The following SAMD3 variants were observed in gnomAD, a reference collection of about 807,000 sequenced individuals.
SAMD3 encodes the protein sterile alpha motif domain-containing protein 3.
In SAMD3, 63 loss-of-function variants were observed where a neutral mutation model predicts 58.5. That is an observed-to-expected ratio of 1.08 (90% CI 0.88 to 1.33). The LOEUF is 1.33. Ranked by LOEUF, SAMD3 falls within the 40% of genes most tolerant of loss-of-function variation. The probability of loss-of-function intolerance (pLI) is 0.00; values close to 1 mark genes in which losing one functional copy is unlikely to be tolerated. For synonymous variants in SAMD3, 220 were observed against 210.3 expected (o/e 1.05, Z -0.40); for missense variants, 604 against 608.4 (o/e 0.99, Z 0.08).
At chr6:130,227,281 T>C (rs149049121), upstream of SAMD3, among the ~76,000 whole-genome samples, 8 of 152,344 alleles carry the variant, frequency 5.3e-5, no homozygotes, top group East Asian at 9.6e-4. Context: ...GGTTCATTCA[T>C]GTAGCTTGTG....
At chr6:130,229,803 TG>T (rs1416667998) in intron 2 of SAMD3, among the ~76,000 whole-genome samples, 1 of 152,126 alleles carries the variant, frequency 6.6e-6, no homozygotes, top group Non-Finnish European at 1.5e-5. Flanking sequence ...CATCAATTCA[TG>T]ATGAGTAAAT....
At chr6:130,294,100 T>C (rs1775475638) in intron 2 of SAMD3, among the ~76,000 whole-genome samples, 1 of 152,188 alleles carries the variant, frequency 6.6e-6, no homozygotes. Context: ...GACTGAGAGA[T>C]ACAGATTTGA....
At chr6:130,347,503 G>A (rs185727241) in intron 1 of SAMD3, among the ~76,000 whole-genome samples, 8 of 152,272 alleles carry the variant, frequency 5.3e-5, no homozygotes, top group East Asian at 3.9e-4. Context: ...TGAATGAAAC[G>A]AAGTGAGAAG....
intron 1 of SAMD3, among the ~76,000 whole-genome samples, chr6:130,315,211 C>A (rs1038973885): frequency 3.3e-5 from 5 of 152,062 alleles, no homozygotes; most frequent in African/African-American, 1.2e-4. Flanking sequence ...TTACAGCCAC[C>A]ATCTTATAGT....
At chr6:130,342,895 T>C (rs1025798750) in intron 1 of SAMD3, among the ~76,000 whole-genome samples, 4 of 152,212 alleles carry the variant, frequency 2.6e-5, no homozygotes, top group African/African-American at 7.2e-5. Context: ...TAGTAAGCAA[T>C]GTAGATGGTG....
Position 130,144,743 on chromosome 6 carries a change from A to T in SAMD3, c.1340T>A (p.Phe447Tyr). ...CCTCTCCCTTTCTAAATATAAAGAA[A>T]ATTCGCAGACCTCCATGTTGAAAGG... ...KNPFNMEVCE[F>Y]SLYLERERLT... is the part of the protein sequence containing the mutation. Residue 447 changes from phenylalanine (F) to tyrosine (Y), a missense_variant, in exon 12 of 12, where the codon TTT becomes TAT. Physicochemically the swap from Phe to Tyr is conservative, Grantham distance 22. Coordinates refer to ENST00000439090, the MANE Select transcript of SAMD3 (RefSeq NM_001017373.4). 1 of 1,614,080 alleles carries T rather than the reference A, an allele frequency of 6.2e-7. No individual in the cohort carries two copies. Among genetic ancestry groups the T allele is most frequent in the Non-Finnish European group, 8.5e-7 (1 of 1,179,966 alleles).
intron 5 of SAMD3, among the ~76,000 whole-genome samples, chr6:130,193,078 T>C (rs1306090876): frequency 2.6e-5 from 4 of 152,178 alleles, no homozygotes; most frequent in Non-Finnish European, 5.9e-5. Flanking sequence ...GTTTAATCAT[T>C]GCAGGGACGC....
intron 1 of SAMD3, among the ~76,000 whole-genome samples, chr6:130,331,487 C>G (rs1034332779): frequency 6.6e-6 from 1 of 152,070 alleles, no homozygotes. Flanking sequence ...CTTTGGGAGG[C>G]CGAGGAGGGC....
rs77922820 is a variant in SAMD3, at chr6:130,353,678, A to T, written c.-304+11442T>A. Among the ~76,000 whole-genome samples, 660 of 152,254 alleles carry T rather than the reference A, an allele frequency of 4.3e-3. 5 individuals are homozygous for T. The highest frequency in any genetic ancestry group is 0.015 in the African/African-American group (618 of 41,554). On this transcript the variant is annotated intron_variant, in intron 1 of 13. Coordinates refer to the SAMD3 transcript ENST00000368134. Reference sequence around the variant, plus strand: ...CTTCTACATCAGCCATCTCAAATACACTATTTTAGGGAGCAAAGGGACAAA... The same window carrying T: ...CTTCTACATCAGCCATCTCAAATACTCTATTTTAGGGAGCAAAGGGACAAA...
chr6:130,249,711 G>T (rs1773676658), intron 2 of SAMD3, among the ~76,000 whole-genome samples: 1 of 152,166 alleles, frequency 6.6e-6, no homozygotes, highest in Non-Finnish European at 1.5e-5. Context: ...TAAGCAATGA[G>T]CTATGGGACA....
chr6:130,354,328 A>G (rs1310388998), intron 1 of SAMD3, among the ~76,000 whole-genome samples: 1 of 152,196 alleles, frequency 6.6e-6, no homozygotes, highest in Admixed American at 6.5e-5. Context: ...TACTGAGTAT[A>G]TACCCAAAGT....
chr6:130,209,583 G>A lies in SAMD3; in HGVS notation c.295C>T (p.Pro99Ser), dbSNP rs759342186. The change falls in exon 5 of 12, where the codon CCA (proline) becomes TCA (serine). Residue 99 changes from proline to serine, a missense_variant. Pro to Ser is a moderately conservative substitution (Grantham distance 74). Coordinates refer to ENST00000439090, the MANE Select transcript of SAMD3 (RefSeq NM_001017373.4). Reference sequence around the variant, plus strand: ...GGCATCTGCTCCCCATGCCTGGCTGGACTGGAGGACTCTTCATCCCTGTAA... The same window carrying A: ...GGCATCTGCTCCCCATGCCTGGCTGAACTGGAGGACTCTTCATCCCTGTAA... ...RDYRDEESSS[P>S]ARHGEQMPSF... 6.2e-7 allele frequency: 1 copy of A among 1,613,060 alleles called. No homozygotes were observed. Among genetic ancestry groups the A allele is most frequent in the African/African-American group, 1.3e-5 (1 of 74,894 alleles).
At position 130,144,468 on chromosome 6, in the gene SAMD3, T is replaced by G; in HGVS notation, c.*52A>C. On this transcript the variant is annotated 3_prime_UTR_variant, in exon 12 of 12. Coordinates refer to ENST00000439090, the MANE Select transcript of SAMD3 (RefSeq NM_001017373.4). ...AACCCTAAATCAAAACAATTTCTTATGAAGCTTCAGTTTTCCCAGAGGTAA... is the reference window on the plus strand; with the variant it reads ...AACCCTAAATCAAAACAATTTCTTAGGAAGCTTCAGTTTTCCCAGAGGTAA... 4 of 1,554,566 alleles carry G rather than the reference T, an allele frequency of 2.6e-6. No homozygotes were observed. Among genetic ancestry groups the G allele is most frequent in the South Asian group, 1.2e-5 (1 of 81,730 alleles).
chr6:130,249,729 T>C (rs573392717), intron 2 of SAMD3, among the ~76,000 whole-genome samples: 2 of 152,084 alleles, frequency 1.3e-5, no homozygotes, highest in Non-Finnish European at 2.9e-5. Flanking sequence ...ACACAAAGAA[T>C]GGTAGGTTTG....
intron 5 of SAMD3, among the ~76,000 whole-genome samples, chr6:130,187,042 T>C (rs1293797526): frequency 1.3e-5 from 2 of 151,876 alleles, no homozygotes; most frequent in Admixed American, 6.6e-5. Flanking sequence ...AGCGCTGGGA[T>C]TACAGGTGTG....
At chr6:130,333,523 T>C (rs747123430) in intron 1 of SAMD3, among the ~76,000 whole-genome samples, 1 of 152,248 alleles carries the variant, frequency 6.6e-6, no homozygotes, top group Non-Finnish European at 1.5e-5. Flanking sequence ...TACTAGCAAT[T>C]ATATTGTTAA....
At chr6:130,311,199 G>A (rs1019103845) in intron 2 of SAMD3, among the ~76,000 whole-genome samples, 4 of 152,168 alleles carry the variant, frequency 2.6e-5, no homozygotes, top group African/African-American at 9.7e-5. Flanking sequence ...CTTTTCTATT[G>A]TGAATATAGA....
intron 2 of SAMD3, among the ~76,000 whole-genome samples, chr6:130,247,747 C>T (rs73605912): frequency 0.019 from 2,945 of 152,210 alleles, 93 homozygotes; most frequent in African/African-American, 0.067. Flanking sequence ...GAGTTTTTTA[C>T]AGACATATTT....
intron 2 of SAMD3, among the ~76,000 whole-genome samples, chr6:130,256,941 TTGC>T (rs1328367442): frequency 6.6e-6 from 1 of 152,214 alleles, no homozygotes; most frequent in African/African-American, 2.4e-5. Context: ...TTGGAAATAG[TTGC>T]TGTGTAAGTA....
Sources: gnomAD v4.1 joint callset for allele counts (sites outside exome capture counted in the v4.1 genomes callset) on GRCh38, gnomAD v4.1.1 for gene constraint, MANE v1.5 for transcripts, NCBI Gene and HGNC (gene_info 2026-07-23, HGNC 2026-07-21) for gene names.